The following RTN4 variants were observed in gnomAD, a reference collection of about 807,000 sequenced individuals.
RTN4 encodes reticulon-4.
RTN4 carries 32 observed loss-of-function variants against 90.4 expected under a neutral mutation model. The ratio of observed to expected loss-of-function variants is 0.35; its 90% CI spans 0.27 to 0.48. The LOEUF is 0.48. Among genes scored for constraint, RTN4 ranks in the 20% least tolerant of loss-of-function variants. The pLI, the probability that RTN4 is intolerant of heterozygous loss-of-function variation, is 0.99. For missense variants in RTN4, 1,706 were observed against 1,430.2 expected (o/e 1.19, Z -3.11); for synonymous variants, 629 against 552.5 (o/e 1.14, Z -1.94).
chr2:55,010,314 A>G (rs1333448915), intron 3 of RTN4: 2 of 1,398,830 alleles, frequency 1.4e-6, no homozygotes, highest in African/African-American at 1.4e-5. Flanking sequence ...AGTCTGACGC[A>G]GTGCAATCTG....
At chr2:55,103,728 T>C (rs1250883178) in intron 1 of RTN4, among the ~76,000 whole-genome samples, 2 of 152,126 alleles carry the variant, frequency 1.3e-5, no homozygotes, top group East Asian at 3.9e-4. Context: ...GGAGTCTCGC[T>C]CTGTTGCCCA....
chr2:55,006,370 G>A (rs1462469461), intron 3 of RTN4, among the ~76,000 whole-genome samples: 2 of 152,118 alleles, frequency 1.3e-5, no homozygotes, highest in East Asian at 3.8e-4. Flanking sequence ...AAGTTCCCTT[G>A]TTGGGCATTT....
chr2:55,081,985 T>C (rs543327913), intron 1 of RTN4, among the ~76,000 whole-genome samples: 1 of 152,308 alleles, frequency 6.6e-6, no homozygotes, highest in South Asian at 2.1e-4. Context: ...TCTGCTTTTT[T>C]CCCTCATGCT....
Position 55,026,535 on chromosome 2 carries a change from C to T in RTN4, c.1564G>A (p.Ala522Thr). The T allele has an allele frequency of 6.2e-7, 1 of 1,613,770 alleles. No individual in the cohort carries two copies. ...ACATAATCTGTCTCAGAATCCTGTG[C>T]TGCTACAAGAAAAGGGTTTGATGTT... is the stretch of plus-strand genomic sequence containing the variant. ...TKTSNPFLVA[A>T]QDSETDYVTT... Residue 522 changes from alanine to threonine, a missense_variant, in exon 3 of 9, where the codon GCA (alanine) becomes ACA (threonine). Transcript: ENST00000337526.
chr2:55,135,823 T>G, the RTN4 span, among the ~76,000 whole-genome samples: 1 of 152,228 alleles, frequency 6.6e-6, no homozygotes, highest in Non-Finnish European at 1.5e-5. Flanking sequence ...TACAGTAATA[T>G]ATATTTTTTA....
intron 3 of RTN4, among the ~76,000 whole-genome samples, chr2:55,013,205 A>G (rs1319703126): frequency 6.6e-6 from 1 of 152,142 alleles, no homozygotes; most frequent in Non-Finnish European, 1.5e-5. Context: ...GGAGGGGAGA[A>G]GAGGGGAAAA....
In RTN4 at chr2:55,025,206, C is replaced by T; in HGVS notation, c.2893G>A (p.Glu965Lys). ...VSALATQAEI[E>K]SIVKPKVLVK... is the part of the protein sequence containing the mutation. ...AGAACTTTGGGTTTAACTATGCTCT[C>T]TATCTCTGCTTGAGTGGCCAAAGCA... The change falls in exon 3 of 9, where the codon GAG becomes AAG. Residue 965 changes from glutamate (E) to lysine (K), a missense_variant. Physicochemically the swap from Glu to Lys is moderately conservative, Grantham distance 56. Transcript: ENST00000337526. 6.2e-7 allele frequency: 1 copy of T among 1,613,850 alleles called. No homozygotes were observed. Among genetic ancestry groups the T allele is most frequent in the Non-Finnish European group, 8.5e-7 (1 of 1,179,842 alleles).
At chr2:54,975,759 G>A (rs72795422) in intron 5 of RTN4, among the ~76,000 whole-genome samples, 1 of 152,152 alleles carries the variant, frequency 6.6e-6, no homozygotes, top group Non-Finnish European at 1.5e-5. Flanking sequence ...TCAAACATTA[G>A]TAAGCATATT....
chr2:55,099,472 T>A (rs1045936193), intron 1 of RTN4, among the ~76,000 whole-genome samples: 3 of 152,050 alleles, frequency 2.0e-5, no homozygotes, highest in Admixed American at 2.0e-4. Context: ...ACAAAGTGCT[T>A]CAGGGATCCC....
At chr2:55,095,157 T>C (rs985467382) in intron 1 of RTN4, among the ~76,000 whole-genome samples, 1 of 152,072 alleles carries the variant, frequency 6.6e-6, no homozygotes, top group Admixed American at 6.6e-5. Context: ...ACCCCGTCTG[T>C]ACTTAAAATA....
the RTN4 span, among the ~76,000 whole-genome samples, chr2:55,130,480 T>G: frequency 6.6e-6 from 1 of 152,186 alleles, no homozygotes; most frequent in East Asian, 1.9e-4. Context: ...CTGGGTGTGG[T>G]GGCTCACGCC....
At chr2:55,033,409 C>T (rs1389556004) in intron 1 of RTN4, among the ~76,000 whole-genome samples, 2 of 152,112 alleles carry the variant, frequency 1.3e-5, no homozygotes, top group Non-Finnish European at 2.9e-5. Flanking sequence ...AATTTGTAGC[C>T]CCAAAATCCA....
At chr2:55,053,354 TA>T (rs1353361788), upstream of RTN4, among the ~76,000 whole-genome samples, 1 of 152,198 alleles carries the variant, frequency 6.6e-6, no homozygotes, top group African/African-American at 2.4e-5. Flanking sequence ...TAGATACTAA[TA>T]ATAGTTTTAA....
rs1408621157 is a variant in RTN4, at chr2:55,027,338, T to C, written c.761A>G (p.Asn254Ser). The part of the protein sequence containing the change: ...ASFKEHEYLG[N>S]LSTVLPTEGT... ...TTCAGTGGGTAATACTGTTGACAAATTACCAAGGTATTCATGTTCTTTGAA... is the reference window on the plus strand; with the variant it reads ...TTCAGTGGGTAATACTGTTGACAAACTACCAAGGTATTCATGTTCTTTGAA... The change falls in exon 3 of 9, where the codon AAT becomes AGT. Residue 254 changes from asparagine (N) to serine (S), a missense_variant. Physicochemically the swap from Asn to Ser is conservative, Grantham distance 46. Coordinates refer to ENST00000337526, the MANE Select transcript of RTN4 (RefSeq NM_020532.5). 2.5e-6 allele frequency: 4 copies of C among 1,613,572 alleles called. No individual in the cohort carries two copies. Among genetic ancestry groups the C allele is most frequent in the African/African-American group, 2.7e-5 (2 of 74,876 alleles).
chr2:55,034,117 T>C (rs973464569), intron 1 of RTN4, among the ~76,000 whole-genome samples: 2 of 152,190 alleles, frequency 1.3e-5, no homozygotes, highest in African/African-American at 4.8e-5. Context: ...AGAACAATGA[T>C]TCAGTATTTG....
Position 54,972,877 on chromosome 2 carries a change from C to A in RTN4, c.*279G>T. ...ACTATCTGCAACAAAGTAAAATATA[C>A]AGGTTTTTTATTCCACCAGTGCCTC... On this transcript the variant is annotated 3_prime_UTR_variant, in exon 9 of 9. Coordinates refer to ENST00000337526, the MANE Select transcript of RTN4 (RefSeq NM_020532.5). 4 of 274,296 alleles carry A rather than the reference C, an allele frequency of 1.5e-5. No homozygotes were observed. The highest frequency in any genetic ancestry group is 2.3e-5 in the African/African-American group (1 of 42,818). The allele number at this position is 274,296 out of a possible 1,614,324, so 17.0% of individuals were successfully genotyped here.
rs1681975819 is a variant in RTN4, at chr2:55,027,320, G to C, written c.779C>G (p.Pro260Arg). 1 of 1,613,542 alleles carries C rather than the reference G, an allele frequency of 6.2e-7. No individual in the cohort carries two copies. Among genetic ancestry groups the C allele is most frequent in the African/African-American group, 1.3e-5 (1 of 74,968 alleles). Reference sequence around the variant, plus strand: ...ATTTTCTTGAAGTGTTCCTTCAGTGGGTAATACTGTTGACAAATTACCAAG... The same window carrying C: ...ATTTTCTTGAAGTGTTCCTTCAGTGCGTAATACTGTTGACAAATTACCAAG... ...EYLGNLSTVL[P>R]TEGTLQENVS... is the part of the protein sequence containing the mutation. Residue 260 changes from proline (P) to arginine (R), a missense_variant, in exon 3 of 9, where the codon CCC becomes CGC. Transcript: ENST00000337526.
chr2:55,030,637 G>A, intron 1 of RTN4, among the ~76,000 whole-genome samples: 1 of 152,164 alleles, frequency 6.6e-6, no homozygotes, highest in East Asian at 1.9e-4. Context: ...AAAGAAAAAA[G>A]AAGAAACAAC....
At chr2:55,124,340 C>G in the RTN4 span, among the ~76,000 whole-genome samples, 1 of 152,308 alleles carries the variant, frequency 6.6e-6, no homozygotes, top group South Asian at 2.1e-4. Context: ...CACAGGGACA[C>G]TTAACCAAGG....
Sources: gnomAD v4.1 joint callset for allele counts (sites outside exome capture counted in the v4.1 genomes callset) on GRCh38, gnomAD v4.1.1 for gene constraint, MANE v1.5 for transcripts, NCBI Gene and HGNC (gene_info 2026-07-23, HGNC 2026-07-21) for gene names.